Variants in UNC79 observed in about 807,000 individuals in gnomAD.
UNC79 encodes unc-79 subunit of NALCN channel complex, also known as protein unc-79 homolog.
UNC79 carries 37 observed loss-of-function variants against 283.1 expected under a neutral mutation model. That is an observed-to-expected ratio of 0.13 (90% CI 0.10 to 0.17). UNC79 has a LOEUF of 0.17. UNC79 is among the 10% of genes least tolerant of loss of function. The pLI is 1.00. For missense variants in UNC79, 2,272 were observed against 3,211.1 expected, an observed-to-expected ratio of 0.71 and a Z score of 7.07; for synonymous variants, 1,107 against 1,200.2, an observed-to-expected ratio of 0.92 and a Z score of 1.61.
intron 23 of UNC79, among the ~76,000 whole-genome samples, chr14:93,594,987 G>A (rs893915207): frequency 6.6e-6 from 1 of 151,518 alleles, no homozygotes; most frequent in Non-Finnish European, 1.5e-5. Flanking sequence ...GGGCTAGTTA[G>A]TATATATATA....
intron 14 of UNC79, among the ~76,000 whole-genome samples, chr14:93,563,544 G>A (rs572083431): frequency 4.6e-5 from 7 of 152,268 alleles, no homozygotes; most frequent in Admixed American, 2.6e-4. Flanking sequence ...CAGTGAGTTC[G>A]GCTTGCTGAG....
At chr14:93,683,067 A>T (rs1192692742) in intron 42 of UNC79, among the ~76,000 whole-genome samples, 1 of 151,938 alleles carries the variant, frequency 6.6e-6, no homozygotes, top group Non-Finnish European at 1.5e-5. Context: ...TTTGTGCTTA[A>T]ATCTTTGTCC....
At chr14:93,600,214 GAAAC>G (rs1293771130) in intron 24 of UNC79, among the ~76,000 whole-genome samples, 2 of 151,900 alleles carry the variant, frequency 1.3e-5, no homozygotes, top group African/African-American at 2.4e-5. Context: ...AACAAACAAA[GAAAC>G]AAACAAACAA....
In UNC79 at chr14:93,462,325, AAC is replaced by A. The variant is rs565543453; in HGVS notation, c.23-5336_23-5335del. 1.1e-3 allele frequency among the ~76,000 whole-genome samples: 167 copies of A among 152,086 alleles called. 2 individuals are homozygous for A. Among genetic ancestry groups the A allele is most frequent in the East Asian group, 3.9e-3 (20 of 5,176 alleles). ...TGTCTCAAAAAACAAAACAAAACAAAACACACACACAACAGTGTCTGGCTTTT... is the reference window on the plus strand; with the variant it reads ...TGTCTCAAAAAACAAAACAAAACAAAACACACACAACAGTGTCTGGCTTTT... On this transcript the variant is annotated intron_variant, in intron 1 of 48. Coordinates refer to ENST00000555664, the Ensembl canonical transcript of UNC79.
In UNC79 at chr14:93,433,191, T is replaced by C. The variant is rs2055943975; in HGVS notation, c.22+2140T>C. Reference sequence around the variant, plus strand: ...AGTTTCCATCTTTAAAGTAAGGAATTGTAGTAGGAGCTATCTTTGCTTTAG... The same window carrying C: ...AGTTTCCATCTTTAAAGTAAGGAATCGTAGTAGGAGCTATCTTTGCTTTAG... On this transcript the variant is annotated intron_variant, in intron 1 of 48. Coordinates refer to ENST00000555664, the Ensembl canonical transcript of UNC79. Among the ~76,000 whole-genome samples, 7 of 152,164 alleles carry C rather than the reference T, an allele frequency of 4.6e-5. No homozygotes were observed. The South Asian group carries it at 1.4e-3, about 32-fold the overall frequency.
intron 43 of UNC79, among the ~76,000 whole-genome samples, chr14:93,687,049 T>A (rs2074297429): frequency 6.6e-6 from 1 of 152,198 alleles, no homozygotes; most frequent in Non-Finnish European, 1.5e-5. Flanking sequence ...CAATTCATTC[T>A]CTTTTTACCA....
intron 39 of UNC79, among the ~76,000 whole-genome samples, chr14:93,660,655 A>G (rs890558558): frequency 2.0e-5 from 3 of 149,680 alleles, no homozygotes; most frequent in African/African-American, 4.9e-5. Context: ...AGTGATGCCA[A>G]CTTGGCTCAC....
rs762020645 is a variant in UNC79 at position 93,560,599 on chromosome 14, CT to C, written c.1756-11289del. Among the ~76,000 whole-genome samples the C allele has an allele frequency of 1.9e-3, 296 of 152,096 alleles. 1 individual carries two copies. The highest frequency in any genetic ancestry group is 3.4e-3 in the Middle Eastern group (1 of 294). ...AAGCAAGGATATTAGTGGAATAACT[CT>C]TTTTTGTCATCTCAGTGTCATGAGG... On this transcript the variant is annotated intron_variant, in intron 14 of 48. Transcript: ENST00000555664.
chr14:93,371,012 C>G (rs7153392), intron 1 of UNC79, among the ~76,000 whole-genome samples: 107,354 of 151,956 alleles, frequency 0.71, 38,407 homozygotes, highest in Middle Eastern at 0.78. Context: ...CCAAACTCCA[C>G]ATCCAGGAAG....
At chr14:93,382,577 T>G (rs886121010) in intron 1 of UNC79, among the ~76,000 whole-genome samples, 3 of 152,194 alleles carry the variant, frequency 2.0e-5, no homozygotes, top group African/African-American at 4.8e-5. Flanking sequence ...GCATAATTTT[T>G]TTATTCATTT....
At chr14:93,363,480 G>A (rs1479712034) in intron 1 of UNC79, among the ~76,000 whole-genome samples, 2 of 152,142 alleles carry the variant, frequency 1.3e-5, no homozygotes, top group Admixed American at 6.5e-5. Context: ...TGTTAGGTCC[G>A]TTTGGTCAAG....
At chr14:93,569,131 T>G (rs1169922429) in intron 14 of UNC79, among the ~76,000 whole-genome samples, 3 of 152,218 alleles carry the variant, frequency 2.0e-5, no homozygotes, top group Non-Finnish European at 4.4e-5. Flanking sequence ...CTTGGATGTT[T>G]GCATTTTAAA....
intron 5 of UNC79, among the ~76,000 whole-genome samples, chr14:93,493,899 A>ATTTTT (rs1298223300): frequency 3.5e-4 from 21 of 60,284 alleles, no homozygotes; most frequent in African/African-American, 6.2e-4. Flanking sequence ...ATATATATAT[A>ATTTTT]TATTTTTTTT....
intron 30 of UNC79, among the ~76,000 whole-genome samples, chr14:93,625,917 T>C (rs983819227): frequency 6.6e-6 from 1 of 152,180 alleles, no homozygotes; most frequent in African/African-American, 2.4e-5. Context: ...GTGCTTGAAT[T>C]CCTTAACATG....
chr14:93,497,040 G>T, intron 6 of UNC79, 117 bp from the exon 7 acceptor site: 2 of 1,115,446 alleles, frequency 1.8e-6, no homozygotes, highest in South Asian at 1.6e-5. Flanking sequence ...AGATTCCAGG[G>T]AAATTACTCA....
intron 14 of UNC79, among the ~76,000 whole-genome samples, chr14:93,560,586 T>C (rs2062483154): frequency 6.6e-6 from 1 of 152,004 alleles, no homozygotes; most frequent in African/African-American, 2.4e-5. Context: ...GCAAGGATAT[T>C]AGTGGAATAA....
intron 12 of UNC79, among the ~76,000 whole-genome samples, chr14:93,539,786 G>A (rs1475627603): frequency 6.6e-6 from 1 of 152,104 alleles, no homozygotes; most frequent in Non-Finnish European, 1.5e-5. Flanking sequence ...TGTAATCAGT[G>A]TATCCACAAT....
In UNC79 at chr14:93,357,811, A is replaced by ATG. The variant is rs373608635; in HGVS notation, c.-351+24289_-351+24290insGT. The stretch of plus-strand genomic sequence containing the variant: ...GATATATATATATGGATATATGGAT[A>ATG]TATATATATGGATATATGGATATGT... On this transcript the variant is annotated intron_variant, in intron 1 of 49. Coordinates refer to the UNC79 transcript ENST00000256339. Among the ~76,000 whole-genome samples the ATG allele has an allele frequency of 1.5e-3, 108 of 70,580 alleles. 6 individuals carry two copies. Among genetic ancestry groups the ATG allele is most frequent in the East Asian group, 7.1e-3 (22 of 3,096 alleles). 46.3% of individuals were successfully genotyped at this position (70,580 alleles called of 152,430 possible).
At chr14:93,654,823 C>G (rs1389670263) in intron 37 of UNC79, among the ~76,000 whole-genome samples, 1 of 152,088 alleles carries the variant, frequency 6.6e-6, no homozygotes, top group Non-Finnish European at 1.5e-5. Context: ...GACTTGGGTT[C>G]AAGTCTCAGC....
Sources: allele counts gnomAD v4.1 joint callset (sites outside exome capture counted in the v4.1 genomes callset), GRCh38; gene constraint gnomAD v4.1.1; transcripts MANE v1.5; gene names NCBI Gene and HGNC (gene_info 2026-07-23, HGNC 2026-07-21).